Variants in ARHGEF4 observed in about 807,000 individuals in gnomAD.
The protein encoded by ARHGEF4 is Rho guanine nucleotide exchange factor 4.
A neutral mutation model predicts 162.0 loss-of-function variants in ARHGEF4; 119 were observed. The observed-to-expected ratio is 0.73, with a 90% confidence interval of 0.63 to 0.86. The LOEUF is 0.86. Among genes scored for constraint, ARHGEF4 ranks in the 40% least tolerant of loss-of-function variants. The pLI is 0.00. For missense variants in ARHGEF4, 2,488 were observed against 2,456.0 expected (o/e 1.01, Z -0.28); for synonymous variants, 1,014 against 979.9 (o/e 1.03, Z -0.65).
At chr2:130,986,722 G>T (rs1686526295) in intron 4 of ARHGEF4, among the ~76,000 whole-genome samples, 1 of 152,194 alleles carries the variant, frequency 6.6e-6, no homozygotes, top group Non-Finnish European at 1.5e-5. Context: ...GATTTTGAAG[G>T]AGCTAGATGT....
At chr2:130,930,480 G>A (rs1682565951) in intron 2 of ARHGEF4, among the ~76,000 whole-genome samples, 2 of 152,132 alleles carry the variant, frequency 1.3e-5, no homozygotes, top group Non-Finnish European at 1.5e-5. Context: ...GGATGGTGGT[G>A]GCAATGTGGG....
chr2:131,035,487 G>A (rs903113386), intron 5 of ARHGEF4: 9 of 364,204 alleles, frequency 2.5e-5, no homozygotes, highest in African/African-American at 1.5e-4. Context: ...GGGAGTGGGG[G>A]CTGCGGGGGC....
In ARHGEF4 at chr2:130,950,693, A is replaced by T. The variant is rs4999017; in HGVS notation, c.3985+4058A>T. 1.1e-4 allele frequency among the ~76,000 whole-genome samples: 16 copies of T among 141,122 alleles called. No homozygotes were observed. In the East Asian group the frequency reaches 1.4e-3, roughly 12 times the overall value. The allele number at this position is 141,122 out of a possible 152,430, so 92.6% of individuals were successfully genotyped here. A position where few individuals can be genotyped will look rare whatever the true frequency, so the allele number is the denominator to read the frequency against. ...TCTGTACCTTTAGCTATTACCCCCC[A>T]CCACCACCCGAAGGAACCACTTATC... On this transcript the variant is annotated intron_variant, in intron 4 of 13. Transcript: ENST00000409359.
intron 4 of ARHGEF4, among the ~76,000 whole-genome samples, chr2:130,948,127 T>C (rs1683733366): frequency 6.6e-6 from 1 of 152,202 alleles, no homozygotes; most frequent in South Asian, 2.1e-4. Context: ...TGGCCCTGAA[T>C]GCTGGAGTTT....
At chr2:130,940,554 G>C (rs569055871) in intron 3 of ARHGEF4, among the ~76,000 whole-genome samples, 1 of 151,880 alleles carries the variant, frequency 6.6e-6, no homozygotes, top group South Asian at 2.1e-4. Context: ...AAAATTCATG[G>C]AGTAGGCCGG....
Position 131,040,000 on chromosome 2 carries a change from C to T in ARHGEF4, c.4306-16C>T. 6.4e-7 allele frequency: 1 copy of T among 1,550,778 alleles called. No individual in the cohort carries two copies. The highest frequency in any genetic ancestry group is 8.7e-7 in the Non-Finnish European group (1 of 1,148,116). On this transcript the variant is annotated splice_polypyrimidine_tract_variant and intron_variant, in intron 6 of 13. Transcript: ENST00000409359. ...CGAGGGATGCGGGGCACTGACCGGC[C>T]ACGCATGGCCTGCAGCTGAGGGTGA...
chr2:130,883,534 C>T (rs1045081838), intron 1 of ARHGEF4, among the ~76,000 whole-genome samples: 1 of 152,138 alleles, frequency 6.6e-6, no homozygotes, highest in African/African-American at 2.4e-5. Context: ...ATACTGTGTT[C>T]TGTTATTTAC....
At chr2:130,856,926 T>C (rs912315979) in intron 1 of ARHGEF4, among the ~76,000 whole-genome samples, 1 of 152,036 alleles carries the variant, frequency 6.6e-6, no homozygotes, top group Non-Finnish European at 1.5e-5. Context: ...AATGGGAAAT[T>C]TAAAAGTTAA....
intron 4 of ARHGEF4, among the ~76,000 whole-genome samples, chr2:130,949,314 TTTTC>T (rs1461971346): frequency 3.3e-5 from 5 of 152,114 alleles, no homozygotes; most frequent in Non-Finnish European, 5.9e-5. Flanking sequence ...TCTTTCGAGG[TTTTC>T]TGTTTGTTTG....
At chr2:130,913,958 T>G in intron 1 of ARHGEF4, 28 bp from the exon 2 acceptor site, 1 of 1,535,798 alleles carries the variant, frequency 6.5e-7, no homozygotes, top group Non-Finnish European at 8.7e-7. Context: ...AGGCCTTGTC[T>G]CTGACTCCTC....
At chr2:130,853,281 G>A (rs555336862) in intron 1 of ARHGEF4, among the ~76,000 whole-genome samples, 9 of 152,312 alleles carry the variant, frequency 5.9e-5, no homozygotes, top group Non-Finnish European at 1.3e-4. Context: ...GCTGGTGGAG[G>A]AGGGAGCCCT....
intron 1 of ARHGEF4, among the ~76,000 whole-genome samples, chr2:130,913,064 G>A (rs111573436): frequency 1.3e-5 from 2 of 151,890 alleles, no homozygotes; most frequent in Non-Finnish European, 2.9e-5. Context: ...GTTCGGTACT[G>A]GGGGGGAGTG....
At chr2:131,012,004 G>A (rs1032371436) in intron 4 of ARHGEF4, 1 of 681,964 alleles carries the variant, frequency 1.5e-6, no homozygotes, top group Non-Finnish European at 2.7e-6. Context: ...GATGTGAACT[G>A]AAAGAAAGAC....
intron 1 of ARHGEF4, among the ~76,000 whole-genome samples, chr2:130,886,566 A>G (rs1679535844): frequency 6.6e-6 from 1 of 151,752 alleles, no homozygotes; most frequent in Non-Finnish European, 1.5e-5. Context: ...CTGTAGTCCC[A>G]GCTACTTGGA....
In ARHGEF4 at chr2:130,969,925, GTTGCGT is replaced by G. The variant is rs961649970; in HGVS notation, c.3985+23294_3985+23299del. 6.1e-4 allele frequency among the ~76,000 whole-genome samples: 93 copies of G among 152,220 alleles called. 1 individual carries two copies. The highest frequency in any genetic ancestry group is 2.0e-3 in the African/African-American group (84 of 41,504). On this transcript the variant is annotated intron_variant, in intron 4 of 13. Coordinates refer to ENST00000409359, the MANE Select transcript of ARHGEF4 (RefSeq NM_001367493.1). Reference sequence around the variant, plus strand: ...TTGACTGGCTTCTTTAACCTCATGTGTTGCGTTTGAGATTCATCCTCATGTTGTTGC... The same window carrying G: ...TTGACTGGCTTCTTTAACCTCATGTGTTGAGATTCATCCTCATGTTGTTGC...
intron 1 of ARHGEF4, among the ~76,000 whole-genome samples, chr2:130,892,873 C>T (rs554069190): frequency 5.3e-5 from 8 of 152,332 alleles, no homozygotes; most frequent in East Asian, 1.9e-4. Flanking sequence ...CACTCTCCCA[C>T]GCCTGGGGTC....
chr2:130,999,391 T>C (rs62178939), intron 4 of ARHGEF4, among the ~76,000 whole-genome samples: 6,400 of 152,040 alleles, frequency 0.042, 159 homozygotes, highest in Middle Eastern at 0.075. Context: ...CTCCTGACCT[T>C]GTGATCCGCC....
Position 130,991,877 on chromosome 2 carries a change from G to A in ARHGEF4, c.3986-36068G>A, listed in dbSNP as rs190479971. Among the ~76,000 whole-genome samples the A allele has an allele frequency of 6.7e-3, 1,019 of 152,376 alleles. 10 individuals are homozygous for A. Among genetic ancestry groups the A allele is most frequent in the African/African-American group, 0.023 (939 of 41,590 alleles). ...GCAGCTCCACCTGCAGCCCCGGTGC[G>A]GGATCCACTGGGTGAAGCCAGCTGG... On this transcript the variant is annotated intron_variant, in intron 4 of 13. Transcript: ENST00000409359.
At chr2:130,975,806 TG>T in intron 4 of ARHGEF4, among the ~76,000 whole-genome samples, 1 of 152,318 alleles carries the variant, frequency 6.6e-6, no homozygotes, top group East Asian at 1.9e-4. Flanking sequence ...AGTCATTGCT[TG>T]GCATCCAGGC....
Sources: gnomAD v4.1 joint callset for allele counts (sites outside exome capture counted in the v4.1 genomes callset) on GRCh38, gnomAD v4.1.1 for gene constraint, MANE v1.5 for transcripts, NCBI Gene and HGNC (gene_info 2026-07-23, HGNC 2026-07-21) for gene names.